The following STK39 variants were observed in gnomAD, a reference collection of about 807,000 sequenced individuals.
STK39 encodes the protein STE20/SPS1-related proline-alanine-rich protein kinase.
A neutral mutation model predicts 77.8 loss-of-function variants in STK39; 20 were observed. That is an observed-to-expected ratio of 0.26 (90% CI 0.18 to 0.37). The LOEUF (loss-of-function observed/expected upper bound fraction) is 0.37. Ranked by LOEUF, STK39 falls within the 10% of genes least tolerant of loss-of-function variation. The pLI, the probability that STK39 is intolerant of heterozygous loss-of-function variation, is 1.00. For missense variants in STK39, 479 were observed against 656.5 expected (o/e 0.73, Z 2.95); for synonymous variants, 246 against 234.1 (o/e 1.05, Z -0.47).
At position 167,965,001 on chromosome 2, in the gene STK39, C is replaced by A. The variant is rs1992760; in HGVS notation, c.1499-275G>T. ...ATATAATAAAATCTGAAATTTCTAA[C>A]GGAAAGTAGAAATGATAGCAGCCCC... On this transcript the variant is annotated intron_variant, in intron 16 of 17. Coordinates refer to ENST00000355999, the MANE Select transcript of STK39 (RefSeq NM_013233.3). Among the ~76,000 whole-genome samples, 27,616 of 151,906 alleles carry A rather than the reference C, an allele frequency of 0.18. 2,754 individuals are homozygous for A. The highest frequency in any genetic ancestry group is 0.43 in the East Asian group (2,237 of 5,176).
chr2:167,999,622 C>T (rs766551095), intron 16 of STK39, among the ~76,000 whole-genome samples: 4 of 151,864 alleles, frequency 2.6e-5, no homozygotes, highest in Non-Finnish European at 5.9e-5. Flanking sequence ...ACACCACGCC[C>T]GGCTAATTTT....
At chr2:167,997,111 T>C (rs1341560437) in intron 16 of STK39, among the ~76,000 whole-genome samples, 1 of 151,008 alleles carries the variant, frequency 6.6e-6, no homozygotes, top group Non-Finnish European at 1.5e-5. Flanking sequence ...TTACACTACT[T>C]TCCAGCTCTC....
chr2:168,125,368 G>A (rs1379795132), intron 10 of STK39, among the ~76,000 whole-genome samples: 2 of 152,116 alleles, frequency 1.3e-5, no homozygotes, highest in Non-Finnish European at 2.9e-5. Flanking sequence ...CATGGCTGGA[G>A]ACAGGTCCCT....
intron 5 of STK39, among the ~76,000 whole-genome samples, chr2:168,152,678 C>A (rs1688321063): frequency 6.6e-6 from 1 of 152,156 alleles, no homozygotes; most frequent in Admixed American, 6.5e-5. Context: ...TCTGAAGGAA[C>A]TATTGTGCTG....
At chr2:168,133,167 G>A (rs1030786922) in intron 8 of STK39, among the ~76,000 whole-genome samples, 2 of 152,190 alleles carry the variant, frequency 1.3e-5, no homozygotes, top group Non-Finnish European at 2.9e-5. Flanking sequence ...TAGAGAGAAA[G>A]CTGGGAAGTA....
chr2:168,151,341 T>C (rs6720968), intron 5 of STK39, among the ~76,000 whole-genome samples: 41,469 of 152,120 alleles, frequency 0.27, 8,260 homozygotes, highest in African/African-American at 0.55. Flanking sequence ...TGGGGTCTCA[T>C]ATGTAGACTC....
At chr2:168,245,965 T>TTA (rs1046919225) in intron 1 of STK39, among the ~76,000 whole-genome samples, 11 of 152,042 alleles carry the variant, frequency 7.2e-5, no homozygotes, top group Admixed American at 1.3e-4. Context: ...ATGTATATAT[T>TTA]TATATATATA....
Position 167,955,454 on chromosome 2 carries a change from C to A in STK39, c.*42G>T. The A allele has an allele frequency of 1.3e-6, 2 of 1,591,332 alleles. No individual in the cohort carries two copies. Among genetic ancestry groups the A allele is most frequent in the Non-Finnish European group, 1.7e-6 (2 of 1,162,818 alleles). ...GGAGGGTTGAAGGGAGTAGGGGTGGCGGTGGGGCATGACAGATCAGGGTGA... is the reference window on the plus strand; with the variant it reads ...GGAGGGTTGAAGGGAGTAGGGGTGGAGGTGGGGCATGACAGATCAGGGTGA... On this transcript the variant is annotated 3_prime_UTR_variant, in exon 18 of 18. Transcript: ENST00000355999.
intron 16 of STK39, among the ~76,000 whole-genome samples, chr2:167,980,889 C>CT (rs1200004212): frequency 5.5e-5 from 8 of 146,088 alleles, no homozygotes; most frequent in South Asian, 4.6e-4. Context: ...TCTTCTTCTT[C>CT]TTTTTTTTAA....
Position 168,166,361 on chromosome 2 carries a change from A to G in STK39, c.430+938T>C, listed in dbSNP as rs1688693140. On this transcript the variant is annotated intron_variant, in intron 3 of 17. Transcript: ENST00000355999. ...GATGTTAGAAGATTAAAAGAAATAA[A>G]ATACAGGATGTGAAAGCACCTTGTA... Among the ~76,000 whole-genome samples, 6 of 152,340 alleles carry G rather than the reference A, an allele frequency of 3.9e-5. No homozygotes were observed. In the South Asian group the frequency reaches 1.2e-3, roughly 32 times the overall value.
At chr2:168,166,300 G>C (rs1688691870) in intron 3 of STK39, among the ~76,000 whole-genome samples, 2 of 152,128 alleles carry the variant, frequency 1.3e-5, no homozygotes, top group South Asian at 4.1e-4. Flanking sequence ...GTTCAAAAAA[G>C]GCAACGGTTA....
intron 1 of STK39, among the ~76,000 whole-genome samples, chr2:168,228,578 G>A (rs1690366198): frequency 6.6e-6 from 1 of 151,992 alleles, no homozygotes; most frequent in Non-Finnish European, 1.5e-5. Flanking sequence ...ATCACCTGAG[G>A]TCAGGGGTTT....
chr2:168,166,744 T>C (rs6433034), intron 3 of STK39, among the ~76,000 whole-genome samples: 5,084 of 152,214 alleles, frequency 0.033, 302 homozygotes, highest in African/African-American at 0.12. Flanking sequence ...AAGAGTCACA[T>C]GGGATTAGTA....
chr2:168,065,472 T>C, intron 12 of STK39, 91 bp from the exon 13 acceptor site: 3 of 1,316,524 alleles, frequency 2.3e-6, no homozygotes, highest in Non-Finnish European at 3.3e-6. Flanking sequence ...TCAGACCCAA[T>C]AATTTCCAAA....
Position 167,970,348 on chromosome 2 carries a change from T to C in STK39, c.1499-5622A>G, listed in dbSNP as rs146792488. Among the ~76,000 whole-genome samples, 119 of 152,310 alleles carry C rather than the reference T, an allele frequency of 7.8e-4. 1 individual carries two copies. Among genetic ancestry groups the C allele is most frequent in the African/African-American group, 2.6e-3 (109 of 41,568 alleles). On this transcript the variant is annotated intron_variant, in intron 16 of 17. Coordinates refer to ENST00000355999, the MANE Select transcript of STK39 (RefSeq NM_013233.3). ...GCTCCCAGTGCCTGACATAGACGGA[T>C]ATCAATCTGTGTTGAATACATGAAT...
intron 1 of STK39, among the ~76,000 whole-genome samples, chr2:168,221,765 G>T (rs757471187): frequency 6.6e-6 from 1 of 152,022 alleles, no homozygotes; most frequent in East Asian, 1.9e-4. Flanking sequence ...TTCTTCTTTG[G>T]ATCACCAAGA....
At position 168,106,690 on chromosome 2, in the gene STK39, T is replaced by C. The variant is rs563188780; in HGVS notation, c.1089+22851A>G. Among the ~76,000 whole-genome samples, 294 of 152,086 alleles carry C rather than the reference T, an allele frequency of 1.9e-3. 3 individuals are homozygous for C. Among genetic ancestry groups the C allele is most frequent in the African/African-American group, 6.9e-3 (285 of 41,490 alleles). On this transcript the variant is annotated intron_variant, in intron 10 of 17. Coordinates refer to ENST00000355999, the MANE Select transcript of STK39 (RefSeq NM_013233.3). The stretch of plus-strand genomic sequence containing the variant: ...CCAAAAAATTAGCTGGGCGTGGTGG[T>C]GCGCATCTGTAGTCTCAGCTACTCT...
intron 2 of STK39, among the ~76,000 whole-genome samples, chr2:168,179,561 AT>A (rs1574531740): frequency 6.6e-6 from 1 of 152,230 alleles, no homozygotes; most frequent in African/African-American, 2.4e-5. Flanking sequence ...ATGCAAATAT[AT>A]TATACTCTAT....
chr2:168,240,981 CAG>C (rs1690744347), intron 1 of STK39, among the ~76,000 whole-genome samples: 2 of 152,330 alleles, frequency 1.3e-5, no homozygotes, highest in South Asian at 4.1e-4. Flanking sequence ...ACAGTGATTT[CAG>C]AGAGTAACTT....
Sources: allele counts gnomAD v4.1 joint callset (sites outside exome capture counted in the v4.1 genomes callset), GRCh38; gene constraint gnomAD v4.1.1; transcripts MANE v1.5; gene names NCBI Gene and HGNC (gene_info 2026-07-23, HGNC 2026-07-21).